Variants in RPS6KA2 observed in about 807,000 individuals in gnomAD.
RPS6KA2 encodes ribosomal protein S6 kinase A2.
RPS6KA2 carries 42 observed loss-of-function variants against 91.8 expected under a neutral mutation model. That is an observed-to-expected ratio of 0.46 (90% CI 0.36 to 0.59). The LOEUF (loss-of-function observed/expected upper bound fraction) is 0.59. RPS6KA2 is among the 20% of genes least tolerant of loss of function. The pLI is 0.00. For missense variants in RPS6KA2, 798 were observed against 978.5 expected (o/e 0.82, Z 2.46); for synonymous variants, 414 against 393.6 (o/e 1.05, Z -0.61).
At position 166,412,920 on chromosome 6, in the gene RPS6KA2, G is replaced by A; in HGVS notation, c.2077-33C>T. ...ACAGAAGACAAGGGTGAGAGCCGCG[G>A]CGCCTCACTCCAGGGGTTGAGCCGG... On this transcript the variant is annotated intron_variant, in intron 20 of 20. Coordinates refer to ENST00000265678, the MANE Select transcript of RPS6KA2 (RefSeq NM_021135.6). This position sits in a 1 kb window ranked among gnomAD's most constrained non-coding sequence, Gnocchi z 4.3. The A allele has an allele frequency of 6.5e-7, 1 of 1,533,520 alleles. No homozygotes were observed. Among genetic ancestry groups the A allele is most frequent in the South Asian group, 1.2e-5 (1 of 82,942 alleles). The allele number at this position is 1,533,520 out of a possible 1,614,324, so 95.0% of individuals were successfully genotyped here.
chr6:166,783,481 T>G (rs1043692681), intron 2 of RPS6KA2, among the ~76,000 whole-genome samples: 15 of 152,068 alleles, frequency 9.9e-5, no homozygotes, highest in Non-Finnish European at 2.1e-4. Flanking sequence ...GTGAGCCAAT[T>G]CCTTAACAAA....
At chr6:166,549,970 T>C (rs1240543743) in intron 1 of RPS6KA2, among the ~76,000 whole-genome samples, 1 of 152,190 alleles carries the variant, frequency 6.6e-6, no homozygotes, top group Non-Finnish European at 1.5e-5. Flanking sequence ...ATTTTAAAAA[T>C]GGTAAAAAGT....
At chr6:166,482,934 G>A (rs185943649) in intron 10 of RPS6KA2, among the ~76,000 whole-genome samples, 2 of 152,304 alleles carry the variant, frequency 1.3e-5, no homozygotes, top group Admixed American at 1.3e-4. Flanking sequence ...TAAATTAGTT[G>A]CCTCCCAAAA....
intron 3 of RPS6KA2, among the ~76,000 whole-genome samples, chr6:166,522,391 G>C (rs1354935083): frequency 6.6e-6 from 1 of 152,168 alleles, no homozygotes; most frequent in East Asian, 1.9e-4. Flanking sequence ...ACAAACCCAC[G>C]GGACCTTGGC....
chr6:166,531,406 G>A, intron 2 of RPS6KA2, 93 bp from the exon 3 acceptor site: 1 of 973,532 alleles, frequency 1.0e-6, no homozygotes, highest in Non-Finnish European at 1.6e-6. Context: ...AGGAAGTTTA[G>A]AGCATTTTCA....
At chr6:166,854,933 G>GA (rs1780847468) in intron 2 of RPS6KA2, among the ~76,000 whole-genome samples, 1 of 152,258 alleles carries the variant, frequency 6.6e-6, no homozygotes, top group Admixed American at 6.5e-5. Flanking sequence ...CATAGCCATG[G>GA]AATCAACATA....
In RPS6KA2 at chr6:166,784,708, TA is replaced by T. The variant is rs1457941882; in HGVS notation, c.123+73491del. On this transcript the variant is annotated intron_variant, in intron 2 of 21. Coordinates refer to the RPS6KA2 transcript ENST00000503859. ...ATATATACACGTGCACACCTATGCA[TA>T]ACCACATATGCACACGTGCACACCT... Among the ~76,000 whole-genome samples the T allele has an allele frequency of 2.3e-5, 3 of 133,302 alleles. 1 individual carries two copies. The highest frequency in any genetic ancestry group is 3.2e-5 in the Non-Finnish European group (2 of 62,424). 87.5% of individuals were successfully genotyped at this position (133,302 alleles called of 152,430 possible).
intron 2 of RPS6KA2, among the ~76,000 whole-genome samples, chr6:166,744,336 G>A (rs559210078): frequency 1.7e-4 from 25 of 149,626 alleles, no homozygotes; most frequent in Non-Finnish European, 2.2e-4. Flanking sequence ...GGGGTTCCCC[G>A]TGCCTCTGGG....
At chr6:166,680,156 A>C (rs761153077) in intron 2 of RPS6KA2, among the ~76,000 whole-genome samples, 14 of 152,148 alleles carry the variant, frequency 9.2e-5, no homozygotes, top group Non-Finnish European at 2.1e-4. Flanking sequence ...AAACGCACCA[A>C]TCAGCACTCT....
intron 1 of RPS6KA2, among the ~76,000 whole-genome samples, chr6:166,615,095 T>C (rs1786355159): frequency 6.6e-6 from 1 of 152,132 alleles, no homozygotes; most frequent in Non-Finnish European, 1.5e-5. Context: ...AGGTCCCGAC[T>C]AGTCCTACTT....
At position 166,662,383 on chromosome 6, in the gene RPS6KA2, G is replaced by A. The variant is rs55984088; in HGVS notation, c.124-123599C>T. 8.9e-3 allele frequency among the ~76,000 whole-genome samples: 1,355 copies of A among 152,272 alleles called. 12 individuals are homozygous for A. The highest frequency in any genetic ancestry group is 0.027 in the Middle Eastern group (8 of 294). On this transcript the variant is annotated intron_variant, in intron 2 of 21. Coordinates refer to the RPS6KA2 transcript ENST00000503859. This position sits in a 1 kb window ranked among gnomAD's most constrained non-coding sequence, Gnocchi z 4.3. ...CAGGGGTGGTAAGAGATGGGTTGGC[G>A]CAGGAGGTATGAAAACTTACTCCAA...
At position 166,490,673 on chromosome 6, in the gene RPS6KA2, G is replaced by A; in HGVS notation, c.816C>T (p.Leu272=). The change falls in exon 9 of 21, where the codon CTC becomes CTT. Residue 272 remains leucine, a splice_region_variant and synonymous_variant. Transcript: ENST00000265678. This position sits in a 1 kb window ranked among gnomAD's most constrained non-coding sequence, Gnocchi z 4.2. ...KDRKETMALI[L]KAKLGMPQFL... ...GGGGTGGCTCCCACACTACTCACTT[G>A]AGGATGAGAGCCATGGTCTCCTTCC... 6.2e-7 allele frequency: 1 copy of A among 1,608,558 alleles called. No individual in the cohort carries two copies. The highest frequency in any genetic ancestry group is 1.3e-5 in the African/African-American group (1 of 74,882).
In RPS6KA2 at chr6:166,470,017, G is replaced by T. The variant is rs533645862; in HGVS notation, c.908-112C>A. The T allele has an allele frequency of 6.1e-5, 57 of 942,116 alleles. 1 individual carries two copies. In the South Asian group the frequency reaches 7.1e-4, roughly 12 times the overall value. 58.4% of individuals were successfully genotyped at this position (942,116 alleles called of 1,614,324 possible). A position where few individuals can be genotyped will look rare whatever the true frequency, so the allele number is the denominator to read the frequency against. On this transcript the variant is annotated intron_variant, in intron 10 of 20. Transcript: ENST00000265678. Reference sequence around the variant, plus strand: ...ATGTGCAGAGGTGGGGCCGTGGGAAGGAGCCCAGAGGCTGCTCACTCCTGC... The same window carrying T: ...ATGTGCAGAGGTGGGGCCGTGGGAATGAGCCCAGAGGCTGCTCACTCCTGC...
intron 2 of RPS6KA2, among the ~76,000 whole-genome samples, chr6:166,710,834 G>A (rs896741736): frequency 6.6e-6 from 1 of 152,092 alleles, no homozygotes. Context: ...TAGACCTGAA[G>A]CCAAATAAAT....
intron 2 of RPS6KA2, among the ~76,000 whole-genome samples, chr6:166,658,511 C>G (rs1788064473): frequency 6.6e-6 from 1 of 152,182 alleles, no homozygotes; most frequent in Non-Finnish European, 1.5e-5. Context: ...GGTGGGACAG[C>G]ATCGGGGGTC....
intron 2 of RPS6KA2, among the ~76,000 whole-genome samples, chr6:166,853,421 C>A (rs1441854310): frequency 6.6e-6 from 1 of 152,202 alleles, no homozygotes; most frequent in African/African-American, 2.4e-5. Flanking sequence ...GACCCGGGAG[C>A]CTGGGGCTGC....
chr6:166,507,544 A>ACACAC, intron 5 of RPS6KA2, among the ~76,000 whole-genome samples: 1 of 151,618 alleles, frequency 6.6e-6, no homozygotes, highest in East Asian at 1.9e-4. Flanking sequence ...CACATATAGC[A>ACACAC]CACACACACC....
intron 1 of RPS6KA2, among the ~76,000 whole-genome samples, chr6:166,620,910 G>C (rs1004610054): frequency 6.6e-6 from 1 of 152,208 alleles, no homozygotes; most frequent in South Asian, 2.1e-4. Context: ...GGGGCAGCCG[G>C]CAAGGTCAGG....
chr6:166,480,032 A>G (rs2128469363), intron 10 of RPS6KA2, among the ~76,000 whole-genome samples: 1 of 152,164 alleles, frequency 6.6e-6, no homozygotes, highest in East Asian at 1.9e-4. Context: ...TTCAGCTTCC[A>G]TATCTCTCTG....
Sources: gnomAD v4.1 joint callset for allele counts (sites outside exome capture counted in the v4.1 genomes callset) on GRCh38, gnomAD v4.1.1 for gene constraint, Gnocchi (gnomAD v3.1) non-coding constraint, MANE v1.5 for transcripts, NCBI Gene and HGNC (gene_info 2026-07-23, HGNC 2026-07-21) for gene names.